Variants in CYP4X1 observed in about 807,000 individuals in gnomAD.
The protein encoded by CYP4X1 is cytochrome P450 family 4 subfamily X member 1.
CYP4X1 carries 44 observed loss-of-function variants against 57.9 expected under a neutral mutation model. That is an observed-to-expected ratio of 0.76 (90% CI 0.60 to 0.98). The LOEUF (loss-of-function observed/expected upper bound fraction) is 0.98. Among genes scored for constraint, CYP4X1 ranks in the 50% least tolerant of loss-of-function variants. The pLI is 0.00. For missense variants in CYP4X1, 532 were observed against 623.9 expected (o/e 0.85, Z 1.57); for synonymous variants, 227 against 228.6 (o/e 0.99, Z 0.06).
intron 8 of CYP4X1, among the ~76,000 whole-genome samples, chr1:47,041,421 G>A (rs1479937215): frequency 1.3e-5 from 2 of 152,038 alleles, no homozygotes; most frequent in African/African-American, 2.4e-5. Context: ...AGTGTATAAG[G>A]GTTCTGTTTT....
At chr1:46,991,375 C>A in the CYP4X1 span, among the ~76,000 whole-genome samples, 3 of 152,130 alleles carry the variant, frequency 2.0e-5, no homozygotes, top group African/African-American at 4.8e-5. Flanking sequence ...ACAGTAAGCC[C>A]CAGACGGCTG....
At chr1:47,020,610 T>C (rs1251262019), upstream of CYP4X1, among the ~76,000 whole-genome samples, 2 of 152,150 alleles carry the variant, frequency 1.3e-5, no homozygotes, top group Non-Finnish European at 2.9e-5. Context: ...ACACAGTAAA[T>C]GTTCAACCCA....
intron 8 of CYP4X1, among the ~76,000 whole-genome samples, chr1:47,046,157 A>G (rs1186252331): frequency 6.6e-6 from 1 of 152,116 alleles, no homozygotes; most frequent in Non-Finnish European, 1.5e-5. Context: ...CGCCATTTTT[A>G]TGTATTATTA....
the CYP4X1 span, among the ~76,000 whole-genome samples, chr1:46,982,620 G>C: frequency 6.6e-6 from 1 of 152,198 alleles, no homozygotes; most frequent in African/African-American, 2.4e-5. Context: ...ATTTCACAGG[G>C]AGTTATATTA....
chr1:46,982,672 A>C, the CYP4X1 span, among the ~76,000 whole-genome samples: 1 of 152,236 alleles, frequency 6.6e-6, no homozygotes, highest in Non-Finnish European at 1.5e-5. Flanking sequence ...GCGTTCCAGT[A>C]ATGACACTTA....
At chr1:46,996,960 T>G in the CYP4X1 span, among the ~76,000 whole-genome samples, 18 of 152,330 alleles carry the variant, frequency 1.2e-4, 1 homozygote, top group East Asian at 3.3e-3. Flanking sequence ...GTTCAGCGTT[T>G]AGGCAAAACA....
chr1:46,970,115 C>T, the CYP4X1 span, among the ~76,000 whole-genome samples: 2 of 152,132 alleles, frequency 1.3e-5, no homozygotes, highest in Non-Finnish European at 2.9e-5. Flanking sequence ...AGGTGGTGTG[C>T]TGCATTGGGA....
chr1:47,003,763 C>T, the CYP4X1 span, among the ~76,000 whole-genome samples: 2 of 152,156 alleles, frequency 1.3e-5, no homozygotes, highest in South Asian at 4.1e-4. Context: ...ATAACCCAAA[C>T]ACCTCCCGCC....
At chr1:47,042,082 C>T (rs1644252606) in intron 8 of CYP4X1, among the ~76,000 whole-genome samples, 1 of 152,002 alleles carries the variant, frequency 6.6e-6, no homozygotes, top group Non-Finnish European at 1.5e-5. Flanking sequence ...GATCAGTTGA[C>T]AATAAATGTG....
chr1:46,968,134 T>C, the CYP4X1 span, among the ~76,000 whole-genome samples: 2 of 151,926 alleles, frequency 1.3e-5, no homozygotes, highest in Non-Finnish European at 2.9e-5. Flanking sequence ...GCACTAGAAA[T>C]TTTTCTGAAG....
the CYP4X1 span, among the ~76,000 whole-genome samples, chr1:47,008,791 C>T: frequency 3.9e-5 from 6 of 152,128 alleles, no homozygotes; most frequent in Non-Finnish European, 8.8e-5. Context: ...ATAAAACAGA[C>T]TTTAAACCAA....
chr1:47,044,933 T>C (rs1358775949), intron 8 of CYP4X1, among the ~76,000 whole-genome samples: 1 of 152,120 alleles, frequency 6.6e-6, no homozygotes, highest in East Asian at 1.9e-4. Context: ...CAAGCGATTC[T>C]TCTGCCTCAG....
chr1:46,994,303 T>C, the CYP4X1 span: 1 of 152,298 alleles, frequency 6.6e-6, no homozygotes, highest in African/African-American at 2.4e-5. Context: ...TCTGTTTTGG[T>C]ACCAGTACCA....
At chr1:46,981,021 T>C in the CYP4X1 span, among the ~76,000 whole-genome samples, 1 of 152,076 alleles carries the variant, frequency 6.6e-6, no homozygotes, top group Non-Finnish European at 1.5e-5. Context: ...CCTAAAACCA[T>C]AAAAACCTTA....
the CYP4X1 span, among the ~76,000 whole-genome samples, chr1:47,012,615 T>G: frequency 6.6e-6 from 1 of 151,092 alleles, no homozygotes; most frequent in Non-Finnish European, 1.5e-5. Context: ...AAAAAAAAGG[T>G]CTGGCATAGA....
At chr1:46,984,644 G>A in the CYP4X1 span, among the ~76,000 whole-genome samples, 2 of 152,106 alleles carry the variant, frequency 1.3e-5, no homozygotes, top group African/African-American at 4.8e-5. Context: ...AAGCCATGGG[G>A]GGCTGTGCCT....
the CYP4X1 span, among the ~76,000 whole-genome samples, chr1:46,971,583 T>A: frequency 6.6e-6 from 1 of 152,216 alleles, no homozygotes; most frequent in South Asian, 2.1e-4. Context: ...TGCCACCATC[T>A]GTTGTTTTTT....
chr1:47,021,536 A>C (rs1365873921), upstream of CYP4X1, among the ~76,000 whole-genome samples: 2 of 152,220 alleles, frequency 1.3e-5, no homozygotes, highest in African/African-American at 4.8e-5. Flanking sequence ...TTGAGAGCAC[A>C]GGGGATTTTA....
chr1:47,021,443 G>C (rs1387051659), upstream of CYP4X1, among the ~76,000 whole-genome samples: 2 of 152,204 alleles, frequency 1.3e-5, no homozygotes, highest in Non-Finnish European at 2.9e-5. Context: ...AAGTGGCAGA[G>C]GTCGGGTGGT....
Sources: allele counts gnomAD v4.1 joint callset (sites outside exome capture counted in the v4.1 genomes callset), GRCh38; gene constraint gnomAD v4.1.1; transcripts MANE v1.5; gene names NCBI Gene and HGNC (gene_info 2026-07-23, HGNC 2026-07-21).